The following HIBADH variants were observed in gnomAD, a reference collection of about 807,000 sequenced individuals.
HIBADH encodes the protein 3-hydroxyisobutyrate dehydrogenase, mitochondrial.
HIBADH carries 25 observed loss-of-function variants against 36.1 expected under a neutral mutation model. The ratio of observed to expected loss-of-function variants is 0.69; its 90% confidence interval spans 0.50 to 0.97. The LOEUF (loss-of-function observed/expected upper bound fraction) is 0.97, where lower values mean the gene tolerates loss of function less well. Ranked by LOEUF, HIBADH falls within the 50% of genes least tolerant of loss-of-function variation. The probability of loss-of-function intolerance (pLI) is 0.00; values close to 1 mark genes in which losing one functional copy is unlikely to be tolerated. For missense variants in HIBADH, 421 were observed against 418.0 expected (o/e 1.01, Z -0.06); for synonymous variants, 160 against 149.5 (o/e 1.07, Z -0.51).
intron 2 of HIBADH, among the ~76,000 whole-genome samples, chr7:27,646,417 T>C (rs1279794130): frequency 6.6e-6 from 1 of 152,222 alleles, no homozygotes; most frequent in Non-Finnish European, 1.5e-5. Context: ...CACTACACAG[T>C]GGTAACCCCT....
intron 4 of HIBADH, among the ~76,000 whole-genome samples, chr7:27,625,529 TC>T (rs1330656809): frequency 6.6e-6 from 1 of 151,826 alleles, no homozygotes; most frequent in African/African-American, 2.4e-5. Flanking sequence ...TGGTTACCTC[TC>T]ATCAGAGAGA....
At chr7:27,618,714 G>T (rs901071612) in intron 4 of HIBADH, among the ~76,000 whole-genome samples, 1 of 152,184 alleles carries the variant, frequency 6.6e-6, no homozygotes, top group African/African-American at 2.4e-5. Flanking sequence ...TTGGCTTTTG[G>T]ATCTGCAGGT....
chr7:27,620,033 G>A (rs939396080), intron 4 of HIBADH, among the ~76,000 whole-genome samples: 3 of 152,144 alleles, frequency 2.0e-5, no homozygotes, highest in Non-Finnish European at 2.9e-5. Flanking sequence ...GTCTAAAGTC[G>A]AATCCAGCAG....
At chr7:27,608,534 A>G (rs942789548) in intron 4 of HIBADH, among the ~76,000 whole-genome samples, 3 of 151,808 alleles carry the variant, frequency 2.0e-5, no homozygotes, top group African/African-American at 7.3e-5. Context: ...AATAAGTCTG[A>G]TAAGGTTTCA....
At chr7:27,540,247 G>A (rs118011333) in intron 5 of HIBADH, among the ~76,000 whole-genome samples, 4,748 of 152,226 alleles carry the variant, frequency 0.031, 112 homozygotes, top group South Asian at 0.094. Context: ...AATCAGAACC[G>A]TTCTGCCATA....
At chr7:27,526,869 G>A (rs1783909553) in intron 7 of HIBADH, among the ~76,000 whole-genome samples, 1 of 152,136 alleles carries the variant, frequency 6.6e-6, no homozygotes, top group Non-Finnish European at 1.5e-5. Flanking sequence ...GTGTTAAGGA[G>A]AAAGACAATT....
chr7:27,646,211 A>C (rs994491676), intron 2 of HIBADH, among the ~76,000 whole-genome samples: 1 of 152,218 alleles, frequency 6.6e-6, no homozygotes, highest in Non-Finnish European at 1.5e-5. Context: ...ACCAATGATC[A>C]GTGGCTTGAC....
intron 4 of HIBADH, among the ~76,000 whole-genome samples, chr7:27,559,563 T>C (rs1251486851): frequency 2.0e-5 from 3 of 151,854 alleles, no homozygotes; most frequent in Non-Finnish European, 2.9e-5. Context: ...GCCCAGGAGG[T>C]TGAGGCTGCA....
intron 2 of HIBADH, among the ~76,000 whole-genome samples, chr7:27,638,114 G>A (rs1406163126): frequency 2.0e-5 from 3 of 151,788 alleles, no homozygotes; most frequent in Non-Finnish European, 2.9e-5. Flanking sequence ...AGCTCAAATA[G>A]TCAAGGCACT....
In HIBADH at chr7:27,625,782, T is replaced by C. The variant is rs140143312; in HGVS notation, c.484+3589A>G. 5.3e-5 allele frequency among the ~76,000 whole-genome samples: 8 copies of C among 152,156 alleles called. No individual in the cohort carries two copies. In the East Asian group the frequency reaches 5.8e-4, roughly 11 times the overall value. On this transcript the variant is annotated intron_variant, in intron 4 of 7. Transcript: ENST00000265395. ...GGAAGAGAATCATAGCCTATAAATATAGCGTGATGTGGGCTCTGATAAAGA... is the reference window on the plus strand; with the variant it reads ...GGAAGAGAATCATAGCCTATAAATACAGCGTGATGTGGGCTCTGATAAAGA...
At chr7:27,579,277 T>G (rs975388695) in intron 4 of HIBADH, among the ~76,000 whole-genome samples, 2 of 152,192 alleles carry the variant, frequency 1.3e-5, no homozygotes, top group African/African-American at 4.8e-5. Context: ...TAAGGCTGAA[T>G]GGTTCCACCA....
At chr7:27,645,368 A>ATGTTTGTTTTTT (rs1554300959) in intron 2 of HIBADH, among the ~76,000 whole-genome samples, 1 of 59,652 alleles carries the variant, frequency 1.7e-5, no homozygotes, top group Non-Finnish European at 3.1e-5. Context: ...CATGGTTTTG[A>ATGTTTGTTTTTT]TTTTTTTTTT....
chr7:27,564,198 G>A (rs1434096831), intron 4 of HIBADH, among the ~76,000 whole-genome samples: 4 of 152,008 alleles, frequency 2.6e-5, no homozygotes, highest in East Asian at 3.9e-4. Flanking sequence ...GTGCCTGGCC[G>A]TTAATTTTCA....
chr7:27,554,016 G>A (rs763364180), intron 4 of HIBADH, among the ~76,000 whole-genome samples: 12 of 151,866 alleles, frequency 7.9e-5, no homozygotes, highest in African/African-American at 2.7e-4. Flanking sequence ...ATGGAGTTTC[G>A]CTCTTTTTGC....
At chr7:27,610,593 C>T (rs34698857) in intron 4 of HIBADH, among the ~76,000 whole-genome samples, 42,713 of 151,970 alleles carry the variant, frequency 0.28, 6,489 homozygotes, top group Middle Eastern at 0.35. Context: ...ACTGTATAAT[C>T]GAAGCACTTG....
intron 4 of HIBADH, among the ~76,000 whole-genome samples, chr7:27,576,762 C>T (rs992132303): frequency 6.6e-6 from 1 of 152,192 alleles, no homozygotes; most frequent in East Asian, 1.9e-4. Flanking sequence ...AAGTGTCACA[C>T]ATTCATTAAC....
intron 4 of HIBADH, among the ~76,000 whole-genome samples, chr7:27,595,807 C>T (rs750849023): frequency 5.3e-5 from 8 of 151,858 alleles, no homozygotes; most frequent in Non-Finnish European, 1.0e-4. Flanking sequence ...AATAAAATTA[C>T]GCATAAAGGA....
chr7:27,554,578 G>C (rs748347375), intron 4 of HIBADH, among the ~76,000 whole-genome samples: 14 of 152,086 alleles, frequency 9.2e-5, no homozygotes, highest in South Asian at 2.1e-4. Flanking sequence ...AAGAAAAACA[G>C]GCATAATAAT....
At chr7:27,555,943 GC>G (rs1261873699) in intron 4 of HIBADH, among the ~76,000 whole-genome samples, 1 of 151,864 alleles carries the variant, frequency 6.6e-6, no homozygotes, top group Non-Finnish European at 1.5e-5. Flanking sequence ...TTCTTTCCTT[GC>G]CCTTTCTCTT....
Sources: gnomAD v4.1 joint callset for allele counts (sites outside exome capture counted in the v4.1 genomes callset) on GRCh38, gnomAD v4.1.1 for gene constraint, MANE v1.5 for transcripts, NCBI Gene and HGNC (gene_info 2026-07-23, HGNC 2026-07-21) for gene names.